Variants in TRNT1 observed in about 807,000 individuals in gnomAD.
The protein encoded by TRNT1 is tRNA nucleotidyl transferase 1.
In TRNT1, 44 loss-of-function variants were observed where a neutral mutation model predicts 45.6. The ratio of observed to expected loss-of-function variants is 0.97; its 90% CI spans 0.76 to 1.24. TRNT1 has a LOEUF of 1.24. Ranked by LOEUF, TRNT1 falls within the 50% of genes most tolerant of loss-of-function variation. The pLI, the probability that TRNT1 is intolerant of heterozygous loss-of-function variation, is 0.00. For missense variants in TRNT1, 633 were observed against 504.4 expected (o/e 1.25, Z -2.44); for synonymous variants, 201 against 171.4 (o/e 1.17, Z -1.35).
chr3:3,140,004 C>G (rs185402549), intron 3 of TRNT1, among the ~76,000 whole-genome samples: 6 of 152,338 alleles, frequency 3.9e-5, no homozygotes, highest in Non-Finnish European at 5.9e-5. Flanking sequence ...GCTGGGATTA[C>G]AGGCATGAGC....
At chr3:3,149,189 A>T (rs1457229610), downstream of TRNT1, 1 of 152,138 alleles carries the variant, frequency 6.6e-6, no homozygotes, top group East Asian at 1.9e-4. Context: ...AGGAAATGTC[A>T]CAGGGGCTAT....
intron 3 of TRNT1, among the ~76,000 whole-genome samples, chr3:3,139,032 T>A (rs1242541379): frequency 6.6e-6 from 1 of 152,312 alleles, no homozygotes; most frequent in African/African-American, 2.4e-5. Flanking sequence ...TGAACCTGAT[T>A]GTTAGCATCT....
At chr3:3,151,055 T>C (rs1706505742), downstream of TRNT1, 6 of 1,613,476 alleles carry the variant, frequency 3.7e-6, no homozygotes, top group Non-Finnish European at 5.1e-6. Flanking sequence ...CCTAAGAAAT[T>C]AAGGAAAGAT....
intron 3 of TRNT1, among the ~76,000 whole-genome samples, chr3:3,138,195 C>T (rs909861142): frequency 6.6e-6 from 1 of 152,152 alleles, no homozygotes; most frequent in African/African-American, 2.4e-5. Flanking sequence ...CTTAAGCCCT[C>T]ATTTTAATAA....
Position 3,148,088 on chromosome 3 carries a change from A to C in TRNT1, c.1239A>C (p.Glu413Asp). The change falls in exon 8 of 8, where the codon GAA becomes GAC. Residue 413 changes from glutamate (E) to aspartate (D), a missense_variant. Physicochemically the swap from Glu to Asp is conservative, Grantham distance 45 (BLOSUM62 2). Coordinates refer to ENST00000251607, the MANE Select transcript of TRNT1 (RefSeq NM_182916.3). ...GGGCTCTATTACAACAGTTGCGAGA[A>C]CAGTGGAAAAAAAGTGGTTACCAAA... ...EIGALLQQLR[E>D]QWKKSGYQME... 2 of 1,613,950 alleles carry C rather than the reference A, an allele frequency of 1.2e-6. No homozygotes were observed. Among genetic ancestry groups the C allele is most frequent in the Non-Finnish European group, 1.7e-6 (2 of 1,179,814 alleles).
At chr3:3,133,350 T>TA (rs1276690749) in intron 2 of TRNT1, among the ~76,000 whole-genome samples, 1 of 152,040 alleles carries the variant, frequency 6.6e-6, no homozygotes, top group African/African-American at 2.4e-5. Flanking sequence ...GCCCAGGAGT[T>TA]AGAGACCAGC....
chr3:3,129,931 T>C (rs1190495671), intron 2 of TRNT1: 3 of 1,550,626 alleles, frequency 1.9e-6, no homozygotes, highest in Non-Finnish European at 2.6e-6. Context: ...ATAAATGCTT[T>C]CCATGAGAAC....
In TRNT1 at chr3:3,147,608, A is replaced by C. The variant is rs1212685939; in HGVS notation, c.961A>C (p.Asn321His). 8.1e-6 allele frequency: 13 copies of C among 1,613,908 alleles called. No individual in the cohort carries two copies. The highest frequency in any genetic ancestry group is 1.1e-5 in the South Asian group (1 of 91,078). Residue 321 changes from asparagine to histidine, a missense_variant, in exon 7 of 8, where the codon AAC becomes CAC. Asn to His is a moderately conservative substitution (Grantham distance 68). Transcript: ENST00000251607. Reference sequence around the variant, plus strand: ...GTTGAAGATCGCAAAAGAGGAGAAAAACCTTGGCTTATTTATAGTTAAAAA... The same window carrying C: ...GTTGAAGATCGCAAAAGAGGAGAAACACCTTGGCTTATTTATAGTTAAAAA... ...LRLKIAKEEK[N>H]LGLFIVKNRK...
rs763684893 is a variant in TRNT1 at position 3,146,521 on chromosome 3, T to G, written c.700T>G (p.Ser234Ala). ...AAATGCAAAAGGCTTGGCTGGAATA[T>G]CAGGAGAAAGGATTTGGGTGGAACT... ...AENAKGLAGI[S>A]GERIWVELKK... is the part of the protein sequence containing the mutation. Residue 234 changes from serine to alanine, a missense_variant, in exon 6 of 8, where the codon TCA becomes GCA. Ser to Ala is a moderately conservative substitution (Grantham distance 99, BLOSUM62 1). Coordinates refer to ENST00000251607, the MANE Select transcript of TRNT1 (RefSeq NM_182916.3). 6.2e-7 allele frequency: 1 copy of G among 1,614,108 alleles called. No individual in the cohort carries two copies. The highest frequency in any genetic ancestry group is 1.3e-5 in the African/African-American group (1 of 75,054).
chr3:3,131,069 C>G (rs537429830), intron 2 of TRNT1, among the ~76,000 whole-genome samples: 1 of 149,972 alleles, frequency 6.7e-6, no homozygotes, highest in Non-Finnish European at 1.5e-5. Flanking sequence ...CGACACAGAC[C>G]GTGTCTTTAA....
chr3:3,135,604 A>G (rs1189687144), intron 2 of TRNT1, among the ~76,000 whole-genome samples: 1 of 152,186 alleles, frequency 6.6e-6, no homozygotes, highest in East Asian at 1.9e-4. Context: ...ACTTTTAAGT[A>G]CATCATTTTA....
At chr3:3,152,246 A>G (rs1359490621), downstream of TRNT1, among the ~76,000 whole-genome samples, 1 of 150,994 alleles carries the variant, frequency 6.6e-6, no homozygotes, top group East Asian at 1.9e-4. Flanking sequence ...CTTGCCTTCC[A>G]GGTTCAAGAG....
Position 3,146,471 on chromosome 3 carries a change from C to A in TRNT1, c.650C>A (p.Pro217His). 1 of 1,613,766 alleles carries A rather than the reference C, an allele frequency of 6.2e-7. No individual in the cohort carries two copies. The highest frequency in any genetic ancestry group is 8.5e-7 in the Non-Finnish European group (1 of 1,179,870). Residue 217 changes from proline (P) to histidine (H), a missense_variant, in exon 6 of 8, where the codon CCT (proline) becomes CAT (histidine). By Grantham distance (77) the Pro-to-His change is moderately conservative (BLOSUM62 -2). Coordinates refer to ENST00000251607, the MANE Select transcript of TRNT1 (RefSeq NM_182916.3). Reference sequence around the variant, plus strand: ...GTAGACAAACCTGGTGACCATGATCCTGAGACTTTGGAAGCAATTGCAGAA... The same window carrying A: ...GTAGACAAACCTGGTGACCATGATCATGAGACTTTGGAAGCAATTGCAGAA... ...RIVDKPGDHD[P>H]ETLEAIAENA...
chr3:3,150,897 T>G (rs752261571), downstream of TRNT1: 2 of 1,613,960 alleles, frequency 1.2e-6, no homozygotes, highest in South Asian at 2.2e-5. Flanking sequence ...TCTGGACTTA[T>G]TTCATCTTCA....
At chr3:3,140,304 A>T (rs1047521628) in intron 3 of TRNT1, among the ~76,000 whole-genome samples, 12 of 152,116 alleles carry the variant, frequency 7.9e-5, no homozygotes, top group African/African-American at 1.2e-4. Context: ...ATTTTTTTTA[A>T]AAAAATCAGT....
Position 3,147,642 on chromosome 3 carries a change from A to G in TRNT1, c.995A>G (p.Asp332Gly). ...LGLFIVKNRKDLIKATDSSDP... is the reference protein window; with the variant it reads ...LGLFIVKNRKGLIKATDSSDP... ...TTATTTATAGTTAAAAATAGGAAAG[A>G]TTTAATTAAAGCAACAGATAGTTCA... The change falls in exon 7 of 8, where the codon GAT (aspartate) becomes GGT (glycine). Residue 332 changes from aspartate (D) to glycine (G), a missense_variant. By Grantham distance (94) the Asp-to-Gly change is moderately conservative. Coordinates refer to ENST00000251607, the MANE Select transcript of TRNT1 (RefSeq NM_182916.3). The G allele has an allele frequency of 1.2e-6, 2 of 1,613,824 alleles. No homozygotes were observed. Among genetic ancestry groups the G allele is most frequent in the Non-Finnish European group, 1.7e-6 (2 of 1,179,766 alleles).
Position 3,140,500 on chromosome 3 carries a change from T to A in TRNT1, c.343-10T>A, listed in dbSNP as rs753917688. ...AAATGACAACAAAAACCCCATGTATTTAATTGCAGCTTCATGAAGAAAATT... is the reference window on the plus strand; with the variant it reads ...AAATGACAACAAAAACCCCATGTATATAATTGCAGCTTCATGAAGAAAATT... On this transcript the variant is annotated splice_polypyrimidine_tract_variant and intron_variant, in intron 3 of 7. Transcript: ENST00000251607. The A allele has an allele frequency of 1.2e-6, 2 of 1,610,862 alleles. No individual in the cohort carries two copies. The highest frequency in any genetic ancestry group is 1.7e-6 in the Non-Finnish European group (2 of 1,178,684).
At chr3:3,143,879 T>C (rs1233229350) in intron 4 of TRNT1, among the ~76,000 whole-genome samples, 1 of 152,216 alleles carries the variant, frequency 6.6e-6, no homozygotes, top group Admixed American at 6.5e-5. Flanking sequence ...AAAGGATTTA[T>C]GACTAAGGTT....
At chr3:3,137,519 CT>C in intron 3 of TRNT1, 66 bp downstream of exon 3, 1 of 1,388,268 alleles carries the variant, frequency 7.2e-7, no homozygotes, top group Non-Finnish European at 9.8e-7. Context: ...TTAATTTTCT[CT>C]AGTTAAAAGC....
Sources: gnomAD v4.1 joint callset for allele counts (sites outside exome capture counted in the v4.1 genomes callset) on GRCh38, gnomAD v4.1.1 for gene constraint, MANE v1.5 for transcripts, NCBI Gene and HGNC (gene_info 2026-07-23, HGNC 2026-07-21) for gene names.